The following GADL1 variants were observed in gnomAD, a reference collection of about 807,000 sequenced individuals.
GADL1 encodes the protein GAD like acidic amino acid decarboxylase 1.
GADL1 carries 71 observed loss-of-function variants against 69.5 expected under a neutral mutation model. That is an observed-to-expected ratio of 1.02 (90% CI 0.84 to 1.25). The LOEUF (loss-of-function observed/expected upper bound fraction) is 1.25. GADL1 is among the 50% of genes most tolerant of loss of function. The pLI is 0.00. For missense variants in GADL1, 737 were observed against 631.8 expected (o/e 1.17, Z -1.79); for synonymous variants, 254 against 214.4 (o/e 1.18, Z -1.62).
Position 30,869,987 on chromosome 3 carries a change from C to G in GADL1, c.38-8222G>C, listed in dbSNP as rs1162179844. Among the ~76,000 whole-genome samples the G allele has an allele frequency of 5.3e-5, 8 of 151,790 alleles. 1 individual carries two copies. Among genetic ancestry groups the G allele is most frequent in the African/African-American group, 1.7e-4 (7 of 41,262 alleles). ...GGGTATTGTTTCTCAATGTGAGAAG[C>G]AGGAAGTCCTTCTGGATGAGGTGGC... On this transcript the variant is annotated intron_variant, in intron 1 of 14. Transcript: ENST00000282538.
chr3:30,742,850 T>A (rs1473394315), intron 14 of GADL1, among the ~76,000 whole-genome samples: 1 of 152,124 alleles, frequency 6.6e-6, no homozygotes, highest in Non-Finnish European at 1.5e-5. Context: ...TACATTTAAG[T>A]GGGAGAAGTA....
rs543801282 is a variant in GADL1, at chr3:30,849,179, C to T, written c.651+817G>A. Among the ~76,000 whole-genome samples, 108 of 152,246 alleles carry T rather than the reference C, an allele frequency of 7.1e-4. 1 individual carries two copies. Among genetic ancestry groups the T allele is most frequent in the African/African-American group, 2.4e-3 (99 of 41,564 alleles). On this transcript the variant is annotated intron_variant, in intron 6 of 14. Coordinates refer to ENST00000282538, the MANE Select transcript of GADL1 (RefSeq NM_207359.3). ...CATCACTGGAATCATCCCAGCTGAG[C>T]CACTCGTAGATGGGCCATCAGCCAG...
intron 1 of GADL1, among the ~76,000 whole-genome samples, chr3:30,862,986 A>G (rs1347571684): frequency 6.6e-6 from 1 of 151,826 alleles, no homozygotes; most frequent in African/African-American, 2.4e-5. Context: ...TTTCAAACAC[A>G]TGTACAAAGA....
intron 1 of GADL1, among the ~76,000 whole-genome samples, chr3:30,883,148 G>A (rs1025090622): frequency 3.3e-5 from 5 of 151,844 alleles, no homozygotes; most frequent in Non-Finnish European, 5.9e-5. Context: ...AAGGTTTTAC[G>A]TGTGATGTAG....
At chr3:30,764,067 A>G (rs1312197732) in intron 14 of GADL1, among the ~76,000 whole-genome samples, 4 of 152,186 alleles carry the variant, frequency 2.6e-5, no homozygotes, top group Admixed American at 1.3e-4. Context: ...TTTGGTCAGA[A>G]TAGCATAGAA....
intron 11 of GADL1, 71 bp from the exon 12 acceptor site, chr3:30,801,159 TACAC>T: frequency 8.9e-7 from 1 of 1,118,366 alleles, no homozygotes; most frequent in East Asian, 2.4e-5. Flanking sequence ...CAAACACATG[TACAC>T]ACACAATGTG....
At chr3:30,876,086 C>T (rs1698572978) in intron 1 of GADL1, among the ~76,000 whole-genome samples, 1 of 151,980 alleles carries the variant, frequency 6.6e-6, no homozygotes, top group African/African-American at 2.4e-5. Context: ...AGGTCTAATT[C>T]CTATAATACA....
chr3:30,811,856 G>C (rs1697362119), intron 11 of GADL1, among the ~76,000 whole-genome samples: 1 of 152,130 alleles, frequency 6.6e-6, no homozygotes, highest in African/African-American at 2.4e-5. Context: ...CAAAAAACCA[G>C]AATTTTCAGT....
intron 14 of GADL1, among the ~76,000 whole-genome samples, chr3:30,762,253 G>C (rs1271826506): frequency 1.3e-5 from 2 of 152,124 alleles, no homozygotes; most frequent in Non-Finnish European, 2.9e-5. Flanking sequence ...TGTTGAGAAG[G>C]TTCATGGCAG....
At chr3:30,886,561 C>T (rs72851499) in intron 1 of GADL1, among the ~76,000 whole-genome samples, 6,989 of 152,154 alleles carry the variant, frequency 0.046, 568 homozygotes, top group African/African-American at 0.16. Flanking sequence ...GACAAAGGGG[C>T]ATCATTGAAG....
At chr3:30,768,935 AG>A (rs1208642820) in intron 14 of GADL1, among the ~76,000 whole-genome samples, 2 of 152,124 alleles carry the variant, frequency 1.3e-5, no homozygotes, top group African/African-American at 4.8e-5. Flanking sequence ...CACTGGCAAA[AG>A]CACTTCAAAG....
intron 11 of GADL1, among the ~76,000 whole-genome samples, chr3:30,821,965 T>G (rs1183755000): frequency 6.6e-6 from 1 of 152,100 alleles, no homozygotes; most frequent in Admixed American, 6.6e-5. Context: ...TAATGCTATG[T>G]TTTATTACAA....
intron 14 of GADL1, among the ~76,000 whole-genome samples, chr3:30,751,053 C>G (rs1177078303): frequency 6.6e-6 from 1 of 152,094 alleles, no homozygotes; most frequent in Non-Finnish European, 1.5e-5. Context: ...AACAAAAGAA[C>G]AACAGGTGCA....
intron 14 of GADL1, among the ~76,000 whole-genome samples, chr3:30,751,312 G>A (rs1695808669): frequency 6.6e-6 from 1 of 151,890 alleles, no homozygotes; most frequent in South Asian, 2.1e-4. Context: ...TAAAGCCCTG[G>A]GACCATTGTG....
intron 14 of GADL1, among the ~76,000 whole-genome samples, chr3:30,741,015 T>A (rs973100023): frequency 2.8e-5 from 3 of 106,540 alleles, no homozygotes; most frequent in Non-Finnish European, 3.7e-5. Context: ...ATATTATATA[T>A]TATATAATAT....
intron 14 of GADL1, among the ~76,000 whole-genome samples, chr3:30,758,940 G>A (rs556704689): frequency 6.6e-6 from 1 of 152,144 alleles, no homozygotes; most frequent in African/African-American, 2.4e-5. Context: ...TTCCTATATT[G>A]CAGAGGCTTA....
intron 1 of GADL1, among the ~76,000 whole-genome samples, chr3:30,868,000 T>C (rs1437217604): frequency 6.6e-6 from 1 of 152,004 alleles, no homozygotes; most frequent in Non-Finnish European, 1.5e-5. Flanking sequence ...ATAAATAATA[T>C]ACTTTTAAAA....
Position 30,854,748 on chromosome 3 carries a change from A to G in GADL1, c.379T>C (p.Tyr127His). ...ATAAATCGGGCCACCAAGGAGTAAT[A>G]ATCAAGTCCAGCATACAATTGGTTG... ...FFNQLYAGLD[Y>H]YSLVARFMTE... is the part of the protein sequence containing the mutation. Residue 127 changes from tyrosine (Y) to histidine (H), a missense_variant, in exon 4 of 15, where the codon TAT becomes CAT. Tyr to His is a moderately conservative substitution (Grantham distance 83). Coordinates refer to ENST00000282538, the MANE Select transcript of GADL1 (RefSeq NM_207359.3). 1 of 1,550,018 alleles carries G rather than the reference A, an allele frequency of 6.5e-7. No homozygotes were observed. Among genetic ancestry groups the G allele is most frequent in the Non-Finnish European group, 8.7e-7 (1 of 1,145,728 alleles).
intron 1 of GADL1, among the ~76,000 whole-genome samples, chr3:30,883,705 A>T (rs1475697738): frequency 6.6e-6 from 1 of 151,948 alleles, no homozygotes; most frequent in East Asian, 1.9e-4. Flanking sequence ...TTTGATAAAG[A>T]TTGTGTTAAA....
Sources: gnomAD v4.1 joint callset for allele counts (sites outside exome capture counted in the v4.1 genomes callset) on GRCh38, gnomAD v4.1.1 for gene constraint, MANE v1.5 for transcripts, NCBI Gene and HGNC (gene_info 2026-07-23, HGNC 2026-07-21) for gene names.